UBE3C: variants seen among roughly 807,000 people sequenced by gnomAD.
The protein encoded by UBE3C is ubiquitin protein ligase E3C, also known as ubiquitin-protein ligase E3C.
UBE3C carries 42 observed loss-of-function variants against 129.4 expected under a neutral mutation model. That is an observed-to-expected ratio of 0.32 (90% CI 0.25 to 0.42). The LOEUF (loss-of-function observed/expected upper bound fraction) is 0.42, where lower values mean the gene tolerates loss of function less well. Among genes scored for constraint, UBE3C ranks in the 10% least tolerant of loss-of-function variants. The pLI, the probability that UBE3C is intolerant of heterozygous loss-of-function variation, is 1.00. For synonymous variants in UBE3C, 510 were observed against 492.4 expected (o/e 1.04, Z -0.47); for missense variants, 1,049 against 1,319.1 (o/e 0.80, Z 3.17).
chr7:157,256,223 G>A (rs1177756985), intron 21 of UBE3C, among the ~76,000 whole-genome samples: 2 of 152,178 alleles, frequency 1.3e-5, no homozygotes, highest in East Asian at 3.9e-4. Context: ...GCTCACTGCA[G>A]CCTCTGCCTT....
intron 22 of UBE3C, among the ~76,000 whole-genome samples, chr7:157,257,296 A>G (rs1796776570): frequency 6.6e-6 from 1 of 151,982 alleles, no homozygotes; most frequent in Non-Finnish European, 1.5e-5. Flanking sequence ...CTGTGAACAA[A>G]CCGTACATTT....
At chr7:157,185,356 T>A (rs1213890653) in intron 9 of UBE3C, among the ~76,000 whole-genome samples, 1 of 152,252 alleles carries the variant, frequency 6.6e-6, no homozygotes, top group Non-Finnish European at 1.5e-5. Context: ...TTTACAACCA[T>A]AGAAAATATT....
intron 11 of UBE3C, among the ~76,000 whole-genome samples, chr7:157,204,452 G>A (rs1183116700): frequency 6.7e-6 from 1 of 149,668 alleles, no homozygotes; most frequent in African/African-American, 2.5e-5. Flanking sequence ...TAAGACTTGG[G>A]TTAGAAACCC....
chr7:157,164,861 G>A (rs1258447199), intron 2 of UBE3C, among the ~76,000 whole-genome samples: 1 of 152,146 alleles, frequency 6.6e-6, no homozygotes, highest in Admixed American at 6.6e-5. Flanking sequence ...GATTACAGCT[G>A]GAAGGGCCTA....
At chr7:157,210,348 T>C (rs1809557336) in intron 13 of UBE3C, among the ~76,000 whole-genome samples, 2 of 152,140 alleles carry the variant, frequency 1.3e-5, no homozygotes, top group Admixed American at 1.3e-4. Flanking sequence ...TTATGCTACC[T>C]GCTATTGAGC....
rs2286130 is a variant in UBE3C at position 157,197,860 on chromosome 7, C to A, written c.1332-3861C>A. The A allele has an allele frequency of 2.5e-6, 4 of 1,606,320 alleles. No homozygotes were observed. The African/African-American group carries it at 4.0e-5, about 16-fold the overall frequency. On this transcript the variant is annotated intron_variant, in intron 10 of 22. Coordinates refer to ENST00000348165, the MANE Select transcript of UBE3C (RefSeq NM_014671.3). Reference sequence around the variant, plus strand: ...ACTGAATCATCAATAAGAACAACCGCGTTAAGTATTGATTTATCCTCCTCT... The same window carrying A: ...ACTGAATCATCAATAAGAACAACCGAGTTAAGTATTGATTTATCCTCCTCT...
At position 157,186,084 on chromosome 7, in the gene UBE3C, A is replaced by G. The variant is rs533743368; in HGVS notation, c.1144-750A>G. Reference sequence around the variant, plus strand: ...ATATTCAGTGAATCAAATCTTCTGGAGAGATTAAGGTATAAAATAGATTTG... The same window carrying G: ...ATATTCAGTGAATCAAATCTTCTGGGGAGATTAAGGTATAAAATAGATTTG... On this transcript the variant is annotated intron_variant, in intron 9 of 22. Transcript: ENST00000348165. Among the ~76,000 whole-genome samples, 9 of 152,292 alleles carry G rather than the reference A, an allele frequency of 5.9e-5. No homozygotes were observed. The East Asian group carries it at 1.7e-3, about 29-fold the overall frequency.
At chr7:157,166,779 A>G (rs1280197413) in intron 2 of UBE3C, among the ~76,000 whole-genome samples, 1 of 152,084 alleles carries the variant, frequency 6.6e-6, no homozygotes, top group Non-Finnish European at 1.5e-5. Context: ...GAGATTTTCA[A>G]AATTTCTATT....
At chr7:157,207,369 G>C in intron 11 of UBE3C, 29 bp from the exon 12 acceptor site, 1 of 1,588,636 alleles carries the variant, frequency 6.3e-7, no homozygotes, top group Non-Finnish European at 8.5e-7. Flanking sequence ...TAAAGTGACT[G>C]GTTTTTTTCT....
chr7:157,163,493 T>C (rs911978698), intron 1 of UBE3C, among the ~76,000 whole-genome samples: 1 of 152,104 alleles, frequency 6.6e-6, no homozygotes, highest in African/African-American at 2.4e-5. Flanking sequence ...ATGTCACAGC[T>C]AGAACTCTGA....
At chr7:157,163,368 CAGAG>C (rs981784052) in intron 1 of UBE3C, among the ~76,000 whole-genome samples, 10 of 127,530 alleles carry the variant, frequency 7.8e-5, no homozygotes, top group Non-Finnish European at 1.3e-4. Flanking sequence ...GCCTGGGCGA[CAGAG>C]AGAGAGACTC....
intron 19 of UBE3C, among the ~76,000 whole-genome samples, chr7:157,252,086 A>T (rs1456621161): frequency 6.6e-6 from 1 of 152,174 alleles, no homozygotes; most frequent in Non-Finnish European, 1.5e-5. Context: ...CACTGAGCCA[A>T]GATTGCTCCA....
At position 157,175,136 on chromosome 7, in the gene UBE3C, A is replaced by ATTTTTTTT. The variant is rs1808481529; in HGVS notation, c.458+102_458+103insTTTTTTTT. 1.9e-5 allele frequency: 7 copies of ATTTTTTTT among 372,906 alleles called. No individual in the cohort carries two copies. In the South Asian group the frequency reaches 3.1e-4, roughly 16 times the overall value. The allele number at this position is 372,906 out of a possible 1,614,324, so 23.1% of individuals were successfully genotyped here. Reference sequence around the variant, plus strand: ...TTTTCAGAGACAGTGGCTTTTCCATACTTTTTTTTTTTTTTTTTTTTTGAG... The same window carrying ATTTTTTTT: ...TTTTCAGAGACAGTGGCTTTTCCATATTTTTTTTCTTTTTTTTTTTTTTTTTTTTTGAG... On this transcript the variant is annotated intron_variant, in intron 5 of 22. Coordinates refer to ENST00000348165, the MANE Select transcript of UBE3C (RefSeq NM_014671.3).
At chr7:157,144,928 A>G (rs933540775) in intron 1 of UBE3C, among the ~76,000 whole-genome samples, 11 of 152,186 alleles carry the variant, frequency 7.2e-5, no homozygotes, top group Admixed American at 2.0e-4. Context: ...TTTGACGAAT[A>G]TATGATGACA....
intron 22 of UBE3C, 75 bp from the exon 23 acceptor site, chr7:157,267,510 T>C: frequency 6.5e-7 from 1 of 1,546,502 alleles, no homozygotes; most frequent in Non-Finnish European, 8.8e-7. Flanking sequence ...CAGGCACATT[T>C]TGTGTACTTT....
intron 18 of UBE3C, chr7:157,231,634 GA>G (rs1796025073): frequency 3.0e-6 from 1 of 336,750 alleles, no homozygotes; most frequent in African/African-American, 2.1e-5. Context: ...TTTATTGTGG[GA>G]AGGGCCCTGG....
chr7:157,258,064 C>T (rs1358041037), intron 22 of UBE3C, among the ~76,000 whole-genome samples: 1 of 151,738 alleles, frequency 6.6e-6, no homozygotes, highest in African/African-American at 2.4e-5. Context: ...CTGCCCACCT[C>T]AGCCTCCCAA....
rs879094020 is a variant in UBE3C, at chr7:157,256,982, G to A, written c.3019G>A (p.Glu1007Lys). The change falls in exon 22 of 23, where the codon GAA (glutamate) becomes AAA (lysine). Residue 1007 changes from glutamate to lysine, a missense_variant. Coordinates refer to ENST00000348165, the MANE Select transcript of UBE3C (RefSeq NM_014671.3). ...AGTTGTGGAAGGGTTCACTGATGAAGAAAAGCGCAAACTGCTGAAGTTTGT... is the reference window on the plus strand; with the variant it reads ...AGTTGTGGAAGGGTTCACTGATGAAAAAAAGCGCAAACTGCTGAAGTTTGT... ...WRVVEGFTDE[E>K]KRKLLKFVTS... The A allele has an allele frequency of 6.2e-7, 1 of 1,614,210 alleles. No homozygotes were observed. The highest frequency in any genetic ancestry group is 8.5e-7 in the Non-Finnish European group (1 of 1,180,038).
chr7:157,184,928 TG>T (rs1424739432), intron 9 of UBE3C, among the ~76,000 whole-genome samples: 1 of 152,184 alleles, frequency 6.6e-6, no homozygotes, highest in Non-Finnish European at 1.5e-5. Flanking sequence ...GGTGGGCTGA[TG>T]ACAAAGGAGT....
Sources: allele counts gnomAD v4.1 joint callset (sites outside exome capture counted in the v4.1 genomes callset), GRCh38; gene constraint gnomAD v4.1.1; transcripts MANE v1.5; gene names NCBI Gene and HGNC (gene_info 2026-07-23, HGNC 2026-07-21).